Variants in TBC1D32 observed in about 807,000 individuals in gnomAD.
TBC1D32 encodes the protein TBC1 domain family member 32, also known as protein broad-minded.
Under a neutral mutation model 170.3 loss-of-function variants are expected in TBC1D32, and 151 were observed. The observed-to-expected ratio is 0.89, with a 90% CI of 0.78 to 1.01. The LOEUF is 1.01. TBC1D32 is among the 50% of genes least tolerant of loss of function. The pLI is 0.00. For missense variants in TBC1D32, 1,464 were observed against 1,457.1 expected (o/e 1.00, Z -0.08); for synonymous variants, 498 against 488.0 (o/e 1.02, Z -0.27).
rs1319216749 is a variant in TBC1D32 at position 121,099,607 on chromosome 6, T to C, written c.3465+6416A>G. Among the ~76,000 whole-genome samples, 11 of 152,074 alleles carry C rather than the reference T, an allele frequency of 7.2e-5. No homozygotes were observed. The East Asian group carries it at 2.1e-3, about 29-fold the overall frequency. Reference sequence around the variant, plus strand: ...TAATTAGATCAAAATGAATAAGGTATGAAATTTGTATCCAAATAATTACTT... The same window carrying C: ...TAATTAGATCAAAATGAATAAGGTACGAAATTTGTATCCAAATAATTACTT... On this transcript the variant is annotated intron_variant, in intron 30 of 31. Coordinates refer to ENST00000398212, the MANE Select transcript of TBC1D32 (RefSeq NM_152730.6).
chr6:121,295,517 T>C (rs1000780723), intron 10 of TBC1D32, among the ~76,000 whole-genome samples: 5 of 152,036 alleles, frequency 3.3e-5, no homozygotes, highest in Non-Finnish European at 7.4e-5. Context: ...GACCAGCAAC[T>C]GTATCTTAGA....
chr6:121,290,943 T>A (rs1406061541), intron 12 of TBC1D32, among the ~76,000 whole-genome samples: 6 of 149,070 alleles, frequency 4.0e-5, no homozygotes, highest in Non-Finnish European at 1.5e-5. Context: ...TAGGTGGGAA[T>A]TGAACAATGA....
At chr6:121,092,904 G>T (rs1431465158) in intron 30 of TBC1D32, among the ~76,000 whole-genome samples, 2 of 152,030 alleles carry the variant, frequency 1.3e-5, no homozygotes, top group Admixed American at 6.6e-5. Flanking sequence ...CTATACCAGA[G>T]GGTATTATTG....
intron 21 of TBC1D32, among the ~76,000 whole-genome samples, chr6:121,221,047 A>G (rs4498397): frequency 1.3e-5 from 2 of 152,008 alleles, no homozygotes; most frequent in African/African-American, 2.4e-5. Flanking sequence ...AAGCATCAAA[A>G]GACAGGCGAA....
At chr6:121,170,051 G>A (rs1284278578) in intron 22 of TBC1D32, among the ~76,000 whole-genome samples, 4 of 151,942 alleles carry the variant, frequency 2.6e-5, no homozygotes, top group Admixed American at 2.6e-4. Flanking sequence ...GAATTAAAAG[G>A]CGATATGGTT....
At chr6:121,179,686 G>T (rs1170957308) in intron 22 of TBC1D32, among the ~76,000 whole-genome samples, 1 of 152,044 alleles carries the variant, frequency 6.6e-6, no homozygotes, top group South Asian at 2.1e-4. Flanking sequence ...TAAACATTAT[G>T]TAACAATTTA....
At chr6:121,173,935 A>G (rs1787413497) in intron 22 of TBC1D32, among the ~76,000 whole-genome samples, 1 of 152,088 alleles carries the variant, frequency 6.6e-6, no homozygotes, top group Non-Finnish European at 1.5e-5. Flanking sequence ...AAAAAAGATA[A>G]AAAGATGGAA....
chr6:121,092,293 G>GTTTTTTTTTTTTTTTTT (rs1160372863), intron 30 of TBC1D32, among the ~76,000 whole-genome samples: 3 of 50,390 alleles, frequency 6.0e-5, no homozygotes, highest in African/African-American at 1.1e-4. Flanking sequence ...TCAGTTTTAT[G>GTTTTTTTTTTTTTTTTT]TTTTTTTTTT....
Position 121,310,766 on chromosome 6 carries a change from C to T in TBC1D32, c.564+13G>A. 1 of 1,501,176 alleles carries T rather than the reference C, an allele frequency of 6.7e-7. No individual in the cohort carries two copies. Among genetic ancestry groups the T allele is most frequent in the Non-Finnish European group, 9.1e-7 (1 of 1,099,088 alleles). 93.0% of individuals were successfully genotyped at this position (1,501,176 alleles called of 1,614,324 possible). A position where few individuals can be genotyped will look rare whatever the true frequency, so the allele number is the denominator to read the frequency against. ...TTATCTGCATGAACTTGACAGCTAT[C>T]CTTGAAACTTACCTCTTTAGGTTGC... is the stretch of plus-strand genomic sequence containing the variant. On this transcript the variant is annotated intron_variant, in intron 4 of 31. Transcript: ENST00000398212.
At chr6:121,308,203 A>C in intron 4 of TBC1D32, 102 bp from the exon 5 acceptor site, 1 of 1,153,492 alleles carries the variant, frequency 8.7e-7, no homozygotes, top group Non-Finnish European at 1.2e-6. Flanking sequence ...AAGTCTGGAT[A>C]ATTTATAAAG....
At chr6:121,306,544 T>A (rs1450290951) in intron 5 of TBC1D32, among the ~76,000 whole-genome samples, 1 of 152,182 alleles carries the variant, frequency 6.6e-6, no homozygotes, top group Non-Finnish European at 1.5e-5. Flanking sequence ...TTAAATTCTA[T>A]GCCAAACATC....
At chr6:121,085,311 A>G (rs1023739381) in intron 31 of TBC1D32, among the ~76,000 whole-genome samples, 5 of 144,152 alleles carry the variant, frequency 3.5e-5, no homozygotes, top group Non-Finnish European at 7.5e-5. Flanking sequence ...ATATATATAC[A>G]TATATACACA....
chr6:121,191,768 G>A (rs941357201), intron 22 of TBC1D32, among the ~76,000 whole-genome samples: 3 of 152,072 alleles, frequency 2.0e-5, no homozygotes, highest in Non-Finnish European at 4.4e-5. Context: ...GGGTGTTGCC[G>A]ATGGAGATGA....
intron 22 of TBC1D32, among the ~76,000 whole-genome samples, chr6:121,189,427 T>C (rs1789645010): frequency 6.6e-6 from 1 of 150,990 alleles, no homozygotes; most frequent in South Asian, 2.1e-4. Flanking sequence ...TGTATTAGTA[T>C]AATTTTATAT....
At chr6:121,168,592 T>C (rs1361426914) in intron 22 of TBC1D32, among the ~76,000 whole-genome samples, 1 of 115,578 alleles carries the variant, frequency 8.7e-6, no homozygotes, top group Non-Finnish European at 1.8e-5. Context: ...GGGATAGCAT[T>C]GGGAGATATA....
intron 20 of TBC1D32, among the ~76,000 whole-genome samples, chr6:121,233,572 C>T (rs1243014949): frequency 6.6e-6 from 1 of 152,228 alleles, no homozygotes; most frequent in African/African-American, 2.4e-5. Flanking sequence ...TCTTTTTCCA[C>T]CCCTTTATCT....
intron 31 of TBC1D32, among the ~76,000 whole-genome samples, chr6:121,087,691 C>T (rs1019253928): frequency 1.3e-5 from 2 of 152,024 alleles, no homozygotes; most frequent in Admixed American, 6.6e-5. Context: ...CAGTCAGATG[C>T]TTGATCTATT....
At position 121,112,621 on chromosome 6, in the gene TBC1D32, C is replaced by T; in HGVS notation, c.3208G>A (p.Val1070Ile). 1 of 1,606,104 alleles carries T rather than the reference C, an allele frequency of 6.2e-7. No homozygotes were observed. Residue 1070 changes from valine (V) to isoleucine (I), a missense_variant, in exon 29 of 32, where the codon GTA becomes ATA. Coordinates refer to ENST00000398212, the MANE Select transcript of TBC1D32 (RefSeq NM_152730.6). ...AACATTATCATGAACAGAGAAGATACAAACCAGTCATGGCCAGCATAATTC... is the reference window on the plus strand; with the variant it reads ...AACATTATCATGAACAGAGAAGATATAAACCAGTCATGGCCAGCATAATTC... ...QGNYAGHDWFVSSLFMIMLGD... is the reference protein window; with the variant it reads ...QGNYAGHDWFISSLFMIMLGD...
At chr6:121,143,695 C>A (rs1783082629) in intron 24 of TBC1D32, among the ~76,000 whole-genome samples, 1 of 152,106 alleles carries the variant, frequency 6.6e-6, no homozygotes, top group Non-Finnish European at 1.5e-5. Flanking sequence ...GTTAAAATAA[C>A]TTTGGTGTCT....
Sources: gnomAD v4.1 joint callset for allele counts (sites outside exome capture counted in the v4.1 genomes callset) on GRCh38, gnomAD v4.1.1 for gene constraint, MANE v1.5 for transcripts, NCBI Gene and HGNC (gene_info 2026-07-23, HGNC 2026-07-21) for gene names.